The following MYH2 variants were observed in gnomAD, a reference collection of about 807,000 sequenced individuals.
The protein encoded by MYH2 is myosin-2.
Under a neutral mutation model 228.1 loss-of-function variants are expected in MYH2, and 139 were observed. The observed-to-expected ratio is 0.61, with a 90% CI of 0.53 to 0.70. MYH2 has a LOEUF of 0.70. Ranked by LOEUF, MYH2 falls within the 30% of genes least tolerant of loss-of-function variation. MYH2 has a pLI of 0.00. For missense variants in MYH2, 1,809 were observed against 2,357.5 expected, an observed-to-expected ratio of 0.77 and a Z score of 4.82; for synonymous variants, 796 against 871.1, an observed-to-expected ratio of 0.91 and a Z score of 1.52.
At chr17:10,540,547 T>G in intron 11 of MYH2, 47 bp downstream of exon 11, 2 of 1,449,438 alleles carry the variant, frequency 1.4e-6, no homozygotes, top group Non-Finnish European at 1.9e-6. Flanking sequence ...GGATCACCAT[T>G]ACTCTGACCC....
intron 2 of MYH2, among the ~76,000 whole-genome samples, 151 bp from the exon 3 acceptor site, chr17:10,548,091 C>T (rs753295180): frequency 6.6e-6 from 1 of 152,146 alleles, no homozygotes; most frequent in African/African-American, 2.4e-5. Context: ...CAAACATAAT[C>T]ACAAGAACGA....
chr17:10,545,591 G>T (rs1185064894), intron 4 of MYH2, 89 bp from the exon 5 acceptor site: 2 of 1,530,494 alleles, frequency 1.3e-6, no homozygotes, highest in Non-Finnish European at 1.8e-6. Context: ...TTGAGACAGG[G>T]TCTTGCTCTG....
chr17:10,523,238 G>A, intron 38 of MYH2, 53 bp from the exon 39 acceptor site: 1 of 1,600,936 alleles, frequency 6.2e-7, no homozygotes, highest in Admixed American at 1.7e-5. Context: ...CATGACTATT[G>A]CATCATTGCA....
chr17:10,536,495 T>A (rs1198197850), intron 17 of MYH2, 35 bp downstream of exon 17: 4 of 1,584,268 alleles, frequency 2.5e-6, no homozygotes, highest in Non-Finnish European at 3.5e-6. Context: ...AATCCCAAAG[T>A]AATTGGAGAA....
chr17:10,542,906 C>G lies in MYH2; in HGVS notation c.873G>C (p.Gln291His). 1 of 1,611,162 alleles carries G rather than the reference C, an allele frequency of 6.2e-7. No individual in the cohort carries two copies. The highest frequency in any genetic ancestry group is 2.2e-5 in the East Asian group (1 of 44,710). ...KAERSYHIFY[Q>H]ITSNKKPELI... ...GTTCTGGTTTCTTATTCGATGTAATCTGGTAAAAAATATGATAACTTCTCT... is the reference window on the plus strand; with the variant it reads ...GTTCTGGTTTCTTATTCGATGTAATGTGGTAAAAAATATGATAACTTCTCT... The change falls in exon 10 of 40, where the codon CAG becomes CAC. Residue 291 changes from glutamine to histidine, a missense_variant. Gln to His is a conservative substitution (Grantham distance 24). Coordinates refer to ENST00000245503, the MANE Select transcript of MYH2 (RefSeq NM_017534.6).
At chr17:10,542,622 AG>A (rs1209194101) in intron 10 of MYH2, among the ~76,000 whole-genome samples, 1 of 152,206 alleles carries the variant, frequency 6.6e-6, no homozygotes. Context: ...ATGACTAGAG[AG>A]ATATTCATCC....
At position 10,523,976 on chromosome 17, in the gene MYH2, C is replaced by G. The variant is rs879175003; in HGVS notation, c.5176-92G>C. The G allele has an allele frequency of 3.9e-5, 53 of 1,361,090 alleles. No homozygotes were observed. In the African/African-American group the frequency reaches 7.4e-4, roughly 19 times the overall value. The allele number at this position is 1,361,090 out of a possible 1,614,324, so 84.3% of individuals were successfully genotyped here. A position where few individuals can be genotyped will look rare whatever the true frequency, so the allele number is the denominator to read the frequency against. On this transcript the variant is annotated intron_variant, in intron 35 of 39. Coordinates refer to ENST00000245503, the MANE Select transcript of MYH2 (RefSeq NM_017534.6). ...TGAAAAAAATTCAGATAAAAATTTG[C>G]AAGTCAAAAAATGCCTTTTAATATT...
Position 10,523,752 on chromosome 17 carries a change from C to T in MYH2, c.5301+7G>A, listed in dbSNP as rs1346185471. ...TAAATCAGTGGACAAGTGTGCCTGCCACTCACATCAGTGATGGCCTTCTTG... is the reference window on the plus strand; with the variant it reads ...TAAATCAGTGGACAAGTGTGCCTGCTACTCACATCAGTGATGGCCTTCTTG... On this transcript the variant is annotated splice_region_variant and intron_variant, in intron 36 of 39. Transcript: ENST00000245503. The T allele has an allele frequency of 1.2e-6, 2 of 1,614,230 alleles. No homozygotes were observed. The highest frequency in any genetic ancestry group is 1.7e-6 in the Non-Finnish European group (2 of 1,180,044).
At chr17:10,536,501 G>C in intron 17 of MYH2, 29 bp downstream of exon 17, 1 of 1,595,598 alleles carries the variant, frequency 6.3e-7, no homozygotes, top group South Asian at 1.1e-5. Context: ...AAAGTAATTG[G>C]AGAATGTCAA....
Position 10,525,446 on chromosome 17 carries a change from C to G in MYH2, c.4537+5G>C, listed in dbSNP as rs1131691628. ...TGAATATTATTGAATATGATAGGGA[C>G]TTACGCTGTAAGTTTTTGTTCTCTC... On this transcript the variant is annotated splice_donor_5th_base_variant and intron_variant, in intron 32 of 39. Coordinates refer to ENST00000245503, the MANE Select transcript of MYH2 (RefSeq NM_017534.6). This position sits in a 1 kb window ranked among gnomAD's most constrained non-coding sequence, Gnocchi z 4.2. The G allele has an allele frequency of 1.9e-6, 3 of 1,614,168 alleles. No homozygotes were observed.
In MYH2 at chr17:10,525,377, A is replaced by T; in HGVS notation, c.4538-29T>A. On this transcript the variant is annotated intron_variant, in intron 32 of 39. Transcript: ENST00000245503. The surrounding 1 kb of genome is among the most constrained non-coding windows in gnomAD (Gnocchi z 4.2). ...TTGTTTGAGTAAAAGACAGGTAGGG[A>T]TTTGGTTAAACATGTGACATAAGGG... The T allele has an allele frequency of 6.2e-7, 1 of 1,614,088 alleles. No individual in the cohort carries two copies. Among genetic ancestry groups the T allele is most frequent in the Non-Finnish European group, 8.5e-7 (1 of 1,180,004 alleles).
Position 10,547,906 on chromosome 17 carries a change from T to C in MYH2, c.15A>G (p.Ser5=), listed in dbSNP as rs777124020. The part of the protein sequence containing the change: MSSD[S]ELAVFGEAAP... ...CAGCCTCCCCAAAAACAGCCAATTCTGAGTCTGAACTCATGGCTGCTGAAC... is the reference window on the plus strand; with the variant it reads ...CAGCCTCCCCAAAAACAGCCAATTCCGAGTCTGAACTCATGGCTGCTGAAC... Residue 5 remains serine (S), a synonymous_variant, in exon 3 of 40, where the codon TCA becomes TCG. Transcript: ENST00000245503. 2.5e-6 allele frequency: 4 copies of C among 1,614,210 alleles called. No homozygotes were observed. The South Asian group carries it at 4.4e-5, about 18-fold the overall frequency.
At chr17:10,543,586 A>G in intron 8 of MYH2, 125 bp downstream of exon 8, 1 of 1,401,346 alleles carries the variant, frequency 7.1e-7, no homozygotes, top group Non-Finnish European at 1.0e-6. Context: ...TTACATGCTC[A>G]GAGGAAAAGG....
chr17:10,531,880 A>G lies in MYH2; in HGVS notation c.2450T>C (p.Ile817Thr), dbSNP rs957425416. ...TCTGATATTGTACTGGATACAGAAG[A>G]TGGCCTCCCTGAAATTTAATTGATG... is the stretch of plus-strand genomic sequence containing the variant. The part of the protein sequence containing the change: ...YQRMVERREA[I>T]FCIQYNIRSF... Residue 817 changes from isoleucine to threonine, a missense_variant, in exon 22 of 40, where the codon ATC (isoleucine) becomes ACC (threonine). This residue lies in a region of MYH2 where 276 missense variants were observed against 344.2 expected (regional missense o/e 0.80). Transcript: ENST00000245503. 6.2e-7 allele frequency: 1 copy of G among 1,614,106 alleles called. No individual in the cohort carries two copies. The highest frequency in any genetic ancestry group is 8.5e-7 in the Non-Finnish European group (1 of 1,179,978).
chr17:10,523,563 C>A lies in MYH2; in HGVS notation c.5405G>T (p.Arg1802Leu). The A allele has an allele frequency of 6.2e-7, 1 of 1,614,208 alleles. No individual in the cohort carries two copies. The highest frequency in any genetic ancestry group is 8.5e-7 in the Non-Finnish European group (1 of 1,180,040). ...GGCCAGCTGCTCAGCCTCATCCAGA[C>A]GGAGCTGCAGATCCTTCACGGTCTG... The part of the protein sequence containing the change: ...MEQTVKDLQL[R>L]LDEAEQLALK... Residue 1802 changes from arginine to leucine, a missense_variant, in exon 37 of 40, where the codon CGT (arginine) becomes CTT (leucine). Coordinates refer to ENST00000245503, the MANE Select transcript of MYH2 (RefSeq NM_017534.6).
chr17:10,544,362 C>T (rs994117244), intron 5 of MYH2, among the ~76,000 whole-genome samples: 2 of 152,104 alleles, frequency 1.3e-5, no homozygotes, highest in Non-Finnish European at 1.5e-5. Context: ...GAAATATTTC[C>T]TTCGAGGAAA....
Position 10,535,260 on chromosome 17 carries a change from C to A in MYH2, c.2062+18G>T, listed in dbSNP as rs1192272011. On this transcript the variant is annotated intron_variant, in intron 18 of 39. Transcript: ENST00000245503. ...GTGTGGCAGTCATCCTTTGCACTTT[C>A]ATTATGGAATTTCTTACCAGGAGTT... 6.2e-7 allele frequency: 1 copy of A among 1,613,968 alleles called. No individual in the cohort carries two copies. The highest frequency in any genetic ancestry group is 1.3e-5 in the African/African-American group (1 of 75,024).
chr17:10,539,238 C>T lies in MYH2; in HGVS notation c.1383G>A (p.Gly461=). ...DTKQPRQYFI[G]VLDIAGFEIF... ...TCTCAAAACCAGCAATGTCCAAGAC[C>T]CCGATGAAGTACTGCCTGGGCTGCT... The change falls in exon 14 of 40, where the codon GGG becomes GGA. Residue 461 remains glycine, a synonymous_variant. Coordinates refer to ENST00000245503, the MANE Select transcript of MYH2 (RefSeq NM_017534.6). 1 of 1,614,160 alleles carries T rather than the reference C, an allele frequency of 6.2e-7. No individual in the cohort carries two copies. The highest frequency in any genetic ancestry group is 8.5e-7 in the Non-Finnish European group (1 of 1,180,044).
rs1273938556 is a variant in MYH2 at position 10,525,363 on chromosome 17, A to G, written c.4538-15T>C. 2 of 1,614,148 alleles carry G rather than the reference A, an allele frequency of 1.2e-6. No homozygotes were observed. The highest frequency in any genetic ancestry group is 1.7e-6 in the Non-Finnish European group (2 of 1,180,026). The stretch of plus-strand genomic sequence containing the variant: ...AGAAATCTCCTCTGTTGTTTGAGTA[A>G]AAGACAGGTAGGGATTTGGTTAAAC... On this transcript the variant is annotated splice_polypyrimidine_tract_variant and intron_variant, in intron 32 of 39. Coordinates refer to ENST00000245503, the MANE Select transcript of MYH2 (RefSeq NM_017534.6). This position sits in a 1 kb window ranked among gnomAD's most constrained non-coding sequence, Gnocchi z 4.2.
Sources: allele counts gnomAD v4.1 joint callset (sites outside exome capture counted in the v4.1 genomes callset), GRCh38; gene constraint gnomAD v4.1.1; regional missense constraint gnomAD v4.1.1; non-coding constraint Gnocchi (gnomAD v3.1); transcripts MANE v1.5; gene names NCBI Gene and HGNC (gene_info 2026-07-23, HGNC 2026-07-21).